CCDC73: variants seen among roughly 807,000 people sequenced by gnomAD.
CCDC73 encodes the protein coiled-coil domain-containing protein 73.
In CCDC73, 95 loss-of-function variants were observed where a neutral mutation model predicts 116.5. The ratio of observed to expected loss-of-function variants is 0.82; its 90% CI spans 0.69 to 0.97. The LOEUF (loss-of-function observed/expected upper bound fraction) is 0.97, where lower values mean the gene tolerates loss of function less well. Ranked by LOEUF, CCDC73 falls within the 50% of genes least tolerant of loss-of-function variation. The probability of loss-of-function intolerance (pLI) is 0.00; values close to 1 mark genes in which losing one functional copy is unlikely to be tolerated. For missense variants in CCDC73, 1,066 were observed against 1,206.8 expected (o/e 0.88, Z 1.73); for synonymous variants, 398 against 401.3 (o/e 0.99, Z 0.10).
rs904553524 is a variant in CCDC73, at chr11:32,661,305, A to AT, written c.646-6334dup. 8.6e-5 allele frequency among the ~76,000 whole-genome samples: 13 copies of AT among 152,018 alleles called. No individual in the cohort carries two copies. The East Asian group carries it at 1.4e-3, about 16-fold the overall frequency. On this transcript the variant is annotated intron_variant, in intron 9 of 17. Coordinates refer to ENST00000335185, the MANE Select transcript of CCDC73 (RefSeq NM_001008391.4). ...CTTCATCAATTGGAGTGAATCGACA[A>AT]TTTTTTTTATTATACTTTAAGTTCT...
upstream of CCDC73, among the ~76,000 whole-genome samples, chr11:32,796,671 A>G (rs1332255063): frequency 1.3e-5 from 2 of 152,116 alleles, no homozygotes; most frequent in African/African-American, 4.8e-5. Context: ...GGCCTTTAGG[A>G]GACGATTGAG....
At chr11:32,633,635 G>A (rs2133240804) in intron 14 of CCDC73, among the ~76,000 whole-genome samples, 1 of 152,270 alleles carries the variant, frequency 6.6e-6, no homozygotes, top group East Asian at 1.9e-4. Context: ...AGTCACATAA[G>A]ACAAGCTTAA....
intron 6 of CCDC73, among the ~76,000 whole-genome samples, chr11:32,697,196 G>GTT (rs34415635): frequency 6.6e-6 from 1 of 151,890 alleles, no homozygotes; most frequent in African/African-American, 2.4e-5. Context: ...CATACTTTTT[G>GTT]TTTTTTCTGA....
At chr11:32,800,202 T>C in the CCDC73 span, among the ~76,000 whole-genome samples, 1 of 152,164 alleles carries the variant, frequency 6.6e-6, no homozygotes, top group East Asian at 1.9e-4. Context: ...GTATGATGGA[T>C]TAATCAACTA....
intron 9 of CCDC73, among the ~76,000 whole-genome samples, chr11:32,674,263 T>C (rs1856064496): frequency 6.6e-6 from 1 of 152,204 alleles, no homozygotes; most frequent in South Asian, 2.1e-4. Context: ...CCAGTAAGCA[T>C]AGGTACTTAA....
intron 1 of CCDC73, among the ~76,000 whole-genome samples, chr11:32,776,937 ATAT>A (rs373537372): frequency 3.5e-4 from 11 of 31,696 alleles, no homozygotes; most frequent in African/African-American, 1.0e-3. Context: ...AAAAAAAAAA[ATAT>A]ATATATATAT....
intron 15 of CCDC73, 119 bp downstream of exon 15, chr11:32,615,821 A>C: frequency 1.0e-6 from 1 of 974,672 alleles, no homozygotes; most frequent in South Asian, 1.8e-5. Context: ...CAGAAACCAG[A>C]ATCCAAAAAG....
At chr11:32,692,879 G>A (rs545218143) in intron 6 of CCDC73, among the ~76,000 whole-genome samples, 3 of 152,276 alleles carry the variant, frequency 2.0e-5, no homozygotes, top group South Asian at 4.1e-4. Context: ...AGGACAATCA[G>A]CAAAGTATCT....
the CCDC73 span, among the ~76,000 whole-genome samples, chr11:32,820,735 A>C: frequency 1.3e-5 from 2 of 152,298 alleles, no homozygotes; most frequent in African/African-American, 2.4e-5. Context: ...CCAGAACTGA[A>C]TGTGTCATTA....
chr11:32,619,701 G>A (rs1022440238), intron 14 of CCDC73, among the ~76,000 whole-genome samples: 2 of 151,516 alleles, frequency 1.3e-5, no homozygotes, highest in South Asian at 2.1e-4. Flanking sequence ...TAAGAAAGGA[G>A]GAGAATGAGG....
intron 2 of CCDC73, among the ~76,000 whole-genome samples, chr11:32,737,258 T>TGA: frequency 6.8e-6 from 1 of 147,838 alleles, no homozygotes; most frequent in African/African-American, 2.5e-5. Context: ...TGTGTGTGTG[T>TGA]GTGTGTGTGT....
At chr11:32,669,020 A>G (rs186328967) in intron 9 of CCDC73, among the ~76,000 whole-genome samples, 3 of 152,354 alleles carry the variant, frequency 2.0e-5, no homozygotes, top group Admixed American at 2.0e-4. Flanking sequence ...GACTTAACTT[A>G]TTGAACAAAA....
intron 13 of CCDC73, among the ~76,000 whole-genome samples, chr11:32,636,506 G>A (rs1206885371): frequency 6.6e-6 from 1 of 152,032 alleles, no homozygotes. Flanking sequence ...GCCAAGGTAA[G>A]TTCCACTGAG....
intron 1 of CCDC73, among the ~76,000 whole-genome samples, chr11:32,764,278 C>A (rs1366165396): frequency 6.6e-6 from 1 of 152,146 alleles, no homozygotes; most frequent in African/African-American, 2.4e-5. Flanking sequence ...CAAAGATACT[C>A]CTCGAGAAGA....
At chr11:32,632,285 G>A (rs1855638569) in intron 14 of CCDC73, among the ~76,000 whole-genome samples, 1 of 152,154 alleles carries the variant, frequency 6.6e-6, no homozygotes, top group South Asian at 2.1e-4. Context: ...GGGTGCAGTG[G>A]TGCCATCTTG....
chr11:32,824,418 C>T, the CCDC73 span, among the ~76,000 whole-genome samples: 1 of 152,090 alleles, frequency 6.6e-6, no homozygotes, highest in South Asian at 2.1e-4. Flanking sequence ...TAGAAAATTA[C>T]TTAAATAGAA....
intron 14 of CCDC73, among the ~76,000 whole-genome samples, chr11:32,633,798 G>A (rs1270472053): frequency 6.6e-6 from 1 of 152,154 alleles, no homozygotes; most frequent in Non-Finnish European, 1.5e-5. Context: ...ATCCCAGAAA[G>A]AAAGCAGTTG....
rs1473913811 is a variant in CCDC73 at position 32,603,289 on chromosome 11, C to T, written c.3031-269G>A. 1.3e-5 allele frequency: 4 copies of T among 310,882 alleles called. No homozygotes were observed. In the Admixed American group the frequency reaches 1.8e-4, roughly 14 times the overall value. The allele number at this position is 310,882 out of a possible 1,614,324, so 19.3% of individuals were successfully genotyped here. A position where few individuals can be genotyped will look rare whatever the true frequency, so the allele number is the denominator to read the frequency against. On this transcript the variant is annotated intron_variant, in intron 17 of 17. Transcript: ENST00000335185. ...TGTTTCCTCCCATGCTTCAGAACACCATTGTTGAAGAAACAGGAAGGGCAG... is the reference window on the plus strand; with the variant it reads ...TGTTTCCTCCCATGCTTCAGAACACTATTGTTGAAGAAACAGGAAGGGCAG...
chr11:32,806,157 T>C, the CCDC73 span, among the ~76,000 whole-genome samples: 3 of 152,346 alleles, frequency 2.0e-5, no homozygotes, highest in Non-Finnish European at 4.4e-5. Flanking sequence ...CTAATATGTG[T>C]ATAATCTTTG....
Sources: allele counts gnomAD v4.1 joint callset (sites outside exome capture counted in the v4.1 genomes callset), GRCh38; gene constraint gnomAD v4.1.1; transcripts MANE v1.5; gene names NCBI Gene and HGNC (gene_info 2026-07-23, HGNC 2026-07-21).